KCNIP4: variants seen among roughly 807,000 people sequenced by gnomAD.
KCNIP4 encodes the protein Kv channel-interacting protein 4.
Under a neutral mutation model 34.0 loss-of-function variants are expected in KCNIP4, and 12 were observed. The observed-to-expected ratio is 0.35, with a 90% CI of 0.23 to 0.57. The LOEUF is 0.57. Among genes scored for constraint, KCNIP4 ranks in the 20% least tolerant of loss-of-function variants. The pLI is 0.83. For missense variants in KCNIP4, 238 were observed against 311.7 expected (o/e 0.76, Z 1.78); for synonymous variants, 124 against 102.2 (o/e 1.21, Z -1.29).
At chr4:20,855,211 C>A (rs901395529) in intron 2 of KCNIP4, among the ~76,000 whole-genome samples, 4 of 152,132 alleles carry the variant, frequency 2.6e-5, no homozygotes, top group Admixed American at 2.6e-4. Flanking sequence ...CAAATATCAT[C>A]CTTCAGTCCA....
intron 1 of KCNIP4, among the ~76,000 whole-genome samples, chr4:21,473,485 G>GT (rs911025173): frequency 3.3e-5 from 5 of 152,026 alleles, no homozygotes; most frequent in Non-Finnish European, 5.9e-5. Context: ...TGGTAAAAGA[G>GT]TTTTTTTAAA....
intron 1 of KCNIP4, among the ~76,000 whole-genome samples, chr4:21,490,970 G>T (rs569245840): frequency 2.0e-5 from 3 of 152,140 alleles, no homozygotes; most frequent in Non-Finnish European, 2.9e-5. Context: ...ATAAAGAACA[G>T]CAGGTGCAAA....
intron 1 of KCNIP4, among the ~76,000 whole-genome samples, chr4:21,175,717 C>A (rs1754356598): frequency 6.6e-6 from 1 of 152,144 alleles, no homozygotes; most frequent in Non-Finnish European, 1.5e-5. Flanking sequence ...GGATTCATGT[C>A]CCAAGCAGGA....
intron 1 of KCNIP4, among the ~76,000 whole-genome samples, chr4:21,357,247 T>C (rs749487370): frequency 3.3e-5 from 5 of 152,126 alleles, no homozygotes; most frequent in Non-Finnish European, 5.9e-5. Context: ...ATTCAGGACA[T>C]AGGCTTGGGC....
At chr4:21,091,570 A>G (rs574360257) in intron 1 of KCNIP4, among the ~76,000 whole-genome samples, 3 of 152,306 alleles carry the variant, frequency 2.0e-5, no homozygotes, top group Non-Finnish European at 4.4e-5. Flanking sequence ...CATACTATGC[A>G]TCTTCACCAG....
chr4:21,871,577 G>A (rs1375450108), intron 1 of KCNIP4, among the ~76,000 whole-genome samples: 1 of 151,576 alleles, frequency 6.6e-6, no homozygotes, highest in Non-Finnish European at 1.5e-5. Flanking sequence ...TCACTTATAG[G>A]TGGGAATTGA....
chr4:21,581,469 C>T (rs7691856), intron 1 of KCNIP4, among the ~76,000 whole-genome samples: 1,593 of 152,000 alleles, frequency 0.01, 28 homozygotes, highest in African/African-American at 0.035. Context: ...GAGAGTTTGG[C>T]TACAGTCATG....
chr4:21,208,545 T>C (rs1366533910), intron 1 of KCNIP4, among the ~76,000 whole-genome samples: 4 of 152,220 alleles, frequency 2.6e-5, no homozygotes, highest in African/African-American at 9.6e-5. Context: ...GGTCATACTT[T>C]ACTCAGCCCC....
chr4:21,269,277 G>T (rs1761996567), intron 1 of KCNIP4, among the ~76,000 whole-genome samples: 1 of 152,226 alleles, frequency 6.6e-6, no homozygotes, highest in South Asian at 2.1e-4. Context: ...ATATCTAATA[G>T]ACAGAGTTTG....
chr4:21,630,045 G>A (rs1256308428), intron 1 of KCNIP4, among the ~76,000 whole-genome samples: 5 of 125,890 alleles, frequency 4.0e-5, no homozygotes, highest in East Asian at 2.3e-4. Context: ...TTGACTTTTT[G>A]TAGAGACGAG....
intron 1 of KCNIP4, among the ~76,000 whole-genome samples, chr4:21,452,135 G>A (rs1728563596): frequency 6.6e-6 from 1 of 151,750 alleles, no homozygotes; most frequent in Non-Finnish European, 1.5e-5. Flanking sequence ...GGGGATCTGT[G>A]ATTATCTACA....
intron 1 of KCNIP4, among the ~76,000 whole-genome samples, chr4:21,567,393 G>A (rs925698214): frequency 6.6e-6 from 1 of 152,014 alleles, no homozygotes; most frequent in Non-Finnish European, 1.5e-5. Context: ...TTATATGGAA[G>A]GGGGCCCATT....
intron 1 of KCNIP4, among the ~76,000 whole-genome samples, chr4:21,004,081 T>A (rs1236292664): frequency 6.6e-6 from 1 of 152,154 alleles, no homozygotes; most frequent in African/African-American, 2.4e-5. Flanking sequence ...ATGGCATGAA[T>A]AGATTTGTAT....
chr4:20,842,414 A>AGGGATGCT (rs1719848560), intron 3 of KCNIP4, among the ~76,000 whole-genome samples: 1 of 151,980 alleles, frequency 6.6e-6, no homozygotes, highest in South Asian at 2.1e-4. Context: ...GTGAGGGGTG[A>AGGGATGCT]GACGCGAAAA....
At chr4:21,207,487 A>G (rs1756928692) in intron 1 of KCNIP4, among the ~76,000 whole-genome samples, 2 of 152,220 alleles carry the variant, frequency 1.3e-5, no homozygotes, top group Admixed American at 6.5e-5. Flanking sequence ...TGAAACACAC[A>G]CTTATGTACA....
At chr4:21,360,472 T>C (rs890625672) in intron 1 of KCNIP4, among the ~76,000 whole-genome samples, 1 of 152,128 alleles carries the variant, frequency 6.6e-6, no homozygotes, top group Non-Finnish European at 1.5e-5. Flanking sequence ...AGTCTTCTTT[T>C]TGAAGAAGTG....
chr4:21,900,662 A>C (rs938265062), intron 1 of KCNIP4, among the ~76,000 whole-genome samples: 3 of 152,186 alleles, frequency 2.0e-5, no homozygotes, highest in African/African-American at 7.2e-5. Flanking sequence ...ATTTGTAAAA[A>C]TTTGCATCTT....
At chr4:21,022,599 G>C (rs1740171888) in intron 1 of KCNIP4, among the ~76,000 whole-genome samples, 1 of 152,140 alleles carries the variant, frequency 6.6e-6, no homozygotes, top group African/African-American at 2.4e-5. Flanking sequence ...TAGAACATAT[G>C]AGCAAGAAAA....
At chr4:21,876,582 A>G (rs764751877) in intron 1 of KCNIP4, among the ~76,000 whole-genome samples, 7 of 152,180 alleles carry the variant, frequency 4.6e-5, no homozygotes, top group Non-Finnish European at 8.8e-5. Flanking sequence ...TTAATTTTAG[A>G]GCCAAATATA....
Sources: allele counts gnomAD v4.1 joint callset (sites outside exome capture counted in the v4.1 genomes callset), GRCh38; gene constraint gnomAD v4.1.1; transcripts MANE v1.5; gene names NCBI Gene and HGNC (gene_info 2026-07-23, HGNC 2026-07-21).